CYTIP: variants seen among roughly 807,000 people sequenced by gnomAD.
CYTIP encodes the protein cytohesin 1 interacting protein.
A neutral mutation model predicts 43.8 loss-of-function variants in CYTIP; 26 were observed. The observed-to-expected ratio is 0.59, with a 90% CI of 0.44 to 0.82. The LOEUF is 0.82. Ranked by LOEUF, CYTIP falls within the 40% of genes least tolerant of loss-of-function variation. The pLI is 0.00. For synonymous variants in CYTIP, 162 were observed against 162.9 expected (o/e 0.99, Z 0.04); for missense variants, 426 against 443.1 (o/e 0.96, Z 0.35).
intron 1 of CYTIP, among the ~76,000 whole-genome samples, chr2:157,443,536 C>A (rs542850196): frequency 6.6e-6 from 1 of 152,290 alleles, no homozygotes; most frequent in South Asian, 2.1e-4. Flanking sequence ...AGAATTAATT[C>A]TCATACTGGT....
At chr2:157,430,483 C>G (rs1210846469) in intron 5 of CYTIP, 76 bp downstream of exon 5, 22 of 1,246,144 alleles carry the variant, frequency 1.8e-5, no homozygotes, top group Non-Finnish European at 2.6e-5. Context: ...GAACAAAAGG[C>G]CTATTTATTC....
intron 7 of CYTIP, among the ~76,000 whole-genome samples, chr2:157,417,123 G>T (rs1469363659): frequency 1.3e-5 from 2 of 152,178 alleles, no homozygotes; most frequent in African/African-American, 4.8e-5. Flanking sequence ...CTCCACTGCT[G>T]CTGTCTTTTG....
At chr2:157,425,537 G>C (rs1173724486) in intron 6 of CYTIP, among the ~76,000 whole-genome samples, 1 of 152,096 alleles carries the variant, frequency 6.6e-6, no homozygotes, top group African/African-American at 2.4e-5. Flanking sequence ...TTCTGGAAGA[G>C]GATGGAGATA....
intron 1 of CYTIP, among the ~76,000 whole-genome samples, chr2:157,442,187 G>C (rs1346548677): frequency 6.6e-6 from 1 of 152,254 alleles, no homozygotes; most frequent in Middle Eastern, 3.4e-3. Flanking sequence ...TATATTTACA[G>C]ATGTTTCACT....
At chr2:157,426,386 A>G (rs907642164) in intron 6 of CYTIP, among the ~76,000 whole-genome samples, 1 of 152,204 alleles carries the variant, frequency 6.6e-6, no homozygotes, top group African/African-American at 2.4e-5. Flanking sequence ...TGATTTAACA[A>G]AGCACAGAGA....
chr2:157,419,997 C>T (rs1685494593), intron 6 of CYTIP, among the ~76,000 whole-genome samples: 1 of 152,152 alleles, frequency 6.6e-6, no homozygotes, highest in African/African-American at 2.4e-5. Context: ...ACTCAATCAA[C>T]TTCTTGTTCT....
intron 5 of CYTIP, 42 bp from the exon 6 acceptor site, chr2:157,427,462 A>G (rs762763122): frequency 7.0e-7 from 1 of 1,427,670 alleles, no homozygotes; most frequent in South Asian, 1.2e-5. Context: ...GTGGGGAGTG[A>G]GTAACATGAG....
intron 6 of CYTIP, among the ~76,000 whole-genome samples, chr2:157,424,349 A>G (rs909627920): frequency 1.4e-4 from 22 of 152,204 alleles, no homozygotes; most frequent in African/African-American, 5.3e-4. Context: ...CGATAATAAG[A>G]ACAAAAAACA....
intron 1 of CYTIP, among the ~76,000 whole-genome samples, chr2:157,437,445 A>C (rs1412826834): frequency 1.3e-5 from 2 of 152,306 alleles, no homozygotes; most frequent in East Asian, 3.9e-4. Context: ...TCACACCTGT[A>C]ATCCCAGCAC....
Position 157,440,862 on chromosome 2 carries a change from A to C in CYTIP, c.174+2985T>G, listed in dbSNP as rs904910988. On this transcript the variant is annotated intron_variant, in intron 1 of 7. Coordinates refer to ENST00000264192, the MANE Select transcript of CYTIP (RefSeq NM_004288.5). ...GAGAGTGGGTGGTAAGACAATCACT[A>C]CTTCTTTGACATCATTGATAGAGAC... 2.6e-5 allele frequency among the ~76,000 whole-genome samples: 4 copies of C among 152,088 alleles called. No individual in the cohort carries two copies. The South Asian group carries it at 8.3e-4, about 32-fold the overall frequency.
At chr2:157,435,124 C>A (rs1685791143) in intron 1 of CYTIP, among the ~76,000 whole-genome samples, 2 of 152,088 alleles carry the variant, frequency 1.3e-5, no homozygotes, top group Non-Finnish European at 2.9e-5. Flanking sequence ...AACTTCCTCT[C>A]TGGTCTGTAT....
At chr2:157,434,843 TCTCTCTCACACACACACA>T (rs1376609655) in intron 1 of CYTIP, 96 bp from the exon 2 acceptor site, 19 of 377,066 alleles carry the variant, frequency 5.0e-5, no homozygotes, top group African/African-American at 3.9e-4. Context: ...TCTCTCTCTC[TCTCTCTCACACACACACA>T]CACACACACA....
Position 157,414,726 on chromosome 2 carries a change from T to A in CYTIP, c.*951A>T, listed in dbSNP as rs1685412015. On this transcript the variant is annotated 3_prime_UTR_variant, in exon 8 of 8. Coordinates refer to ENST00000264192, the MANE Select transcript of CYTIP (RefSeq NM_004288.5). The stretch of plus-strand genomic sequence containing the variant: ...GAGAATTCATAGACTTCAATGGATA[T>A]TAAATAAAACATGGAGTAATTGAAA... The A allele has an allele frequency of 6.6e-6, 1 of 152,046 alleles. No individual in the cohort carries two copies. Among genetic ancestry groups the A allele is most frequent in the Admixed American group, 6.5e-5 (1 of 15,272 alleles). 9.4% of individuals were successfully genotyped at this position (152,046 alleles called of 1,614,324 possible).
rs772131208 is a variant in CYTIP at position 157,415,740 on chromosome 2, C to T, written c.1017G>A (p.Lys339=). 1.2e-5 allele frequency: 20 copies of T among 1,614,120 alleles called. No homozygotes were observed. Among genetic ancestry groups the T allele is most frequent in the Non-Finnish European group, 1.7e-5 (20 of 1,179,978 alleles). Residue 339 remains lysine, a synonymous_variant, in exon 8 of 8, where the codon AAG becomes AAA. Transcript: ENST00000264192. ...GGCCAGGGATAAATTTCAAGAGTTGCTTTCGGACACTTCCCTTTCTGCTCT... is the reference window on the plus strand; with the variant it reads ...GGCCAGGGATAAATTTCAAGAGTTGTTTTCGGACACTTCCCTTTCTGCTCT... ...PRKSRKGSVR[K]QLLKFIPGLH...
intron 6 of CYTIP, among the ~76,000 whole-genome samples, chr2:157,420,295 C>T (rs556641260): frequency 5.0e-4 from 76 of 152,270 alleles, no homozygotes; most frequent in African/African-American, 1.1e-3. Context: ...GCAGGTGGAT[C>T]GCCTGAGGTC....
At position 157,415,865 on chromosome 2, in the gene CYTIP, A is replaced by G. The variant is rs542712060; in HGVS notation, c.892T>C (p.Ser298Pro). The change falls in exon 8 of 8, where the codon TCT becomes CCT. Residue 298 changes from serine to proline, a missense_variant. By Grantham distance (74) the Ser-to-Pro change is moderately conservative (BLOSUM62 -1). Transcript: ENST00000264192. Reference protein sequence around the residue: ...KEGDDFLRRSSSRRNRSISNT... With the variant: ...KEGDDFLRRSPSRRNRSISNT... ...CTGATGCTCCGGTTCCTCCTTGAAG[A>G]TGACCTCCTCAGAAAATCATCCCCC... 4.3e-6 allele frequency: 7 copies of G among 1,614,180 alleles called. No individual in the cohort carries two copies. The East Asian group carries it at 6.7e-5, about 15-fold the overall frequency.
rs751057398 is a variant in CYTIP at position 157,427,380 on chromosome 2, C to T, written c.517G>A (p.Glu173Lys). Residue 173 changes from glutamate (E) to lysine (K), a missense_variant, in exon 6 of 8, where the codon GAG (glutamate) becomes AAG (lysine). Transcript: ENST00000264192. ...LNGTMILKRT[E>K]LEAKLQVLKQ... ...AAAACCTGCAGCTTTGCTTCAAGCT[C>T]CGTTCTTTTCAGAATCATTGTTCCA... The T allele has an allele frequency of 2.8e-5, 45 of 1,609,842 alleles. No homozygotes were observed. The Admixed American group carries it at 7.2e-4, about 26-fold the overall frequency.
chr2:157,422,996 A>T (rs1200364757), intron 6 of CYTIP, among the ~76,000 whole-genome samples: 2 of 152,130 alleles, frequency 1.3e-5, no homozygotes, highest in African/African-American at 4.8e-5. Flanking sequence ...AAGATAAATC[A>T]AGAAACTATG....
intron 1 of CYTIP, among the ~76,000 whole-genome samples, chr2:157,440,421 C>A (rs574418442): frequency 1.1e-4 from 16 of 152,276 alleles, no homozygotes; most frequent in African/African-American, 3.6e-4. Flanking sequence ...ACCATGCATG[C>A]CACAATACAG....
Sources: gnomAD v4.1 joint callset for allele counts (sites outside exome capture counted in the v4.1 genomes callset) on GRCh38, gnomAD v4.1.1 for gene constraint, MANE v1.5 for transcripts, NCBI Gene and HGNC (gene_info 2026-07-23, HGNC 2026-07-21) for gene names.